The following IAH1 variants were observed in gnomAD, a reference collection of about 807,000 sequenced individuals.
IAH1 encodes isoamyl acetate hydrolyzing esterase 1 (putative).
A neutral mutation model predicts 26.7 loss-of-function variants in IAH1; 24 were observed. The observed-to-expected ratio is 0.90, with a 90% CI of 0.65 to 1.26. The LOEUF is 1.26. Among genes scored for constraint, IAH1 ranks in the 50% most tolerant of loss-of-function variants. IAH1 has a pLI of 0.00. For missense variants in IAH1, 300 were observed against 299.9 expected (o/e 1.00, Z 0.00); for synonymous variants, 140 against 118.5 (o/e 1.18, Z -1.18).
the IAH1 span, chr2:9,502,362 T>G: frequency 8.5e-7 from 1 of 1,178,522 alleles, no homozygotes; most frequent in Non-Finnish European, 1.2e-6. Context: ...TACAGTGACC[T>G]GAAGATCACC....
chr2:9,511,153 A>T, the IAH1 span, among the ~76,000 whole-genome samples: 1 of 151,906 alleles, frequency 6.6e-6, no homozygotes, highest in South Asian at 2.1e-4. Context: ...AGCAAGGGGT[A>T]AAAAAAACAG....
chr2:9,475,086 C>T (rs968767050), intron 1 of IAH1: 1 of 1,240,132 alleles, frequency 8.1e-7, no homozygotes, highest in South Asian at 1.3e-5. Context: ...GCCCCATTCC[C>T]TGCGGGCACA....
Position 9,481,453 on chromosome 2 carries a change from C to T in IAH1, c.445+6C>T. 6.2e-7 allele frequency: 1 copy of T among 1,613,940 alleles called. No homozygotes were observed. The highest frequency in any genetic ancestry group is 8.5e-7 in the Non-Finnish European group (1 of 1,179,882). ...AGAACAGTGCATCATACAAGGTAAA[C>T]AAACCACAGCCAATCTCGGCAAATC... On this transcript the variant is annotated splice_donor_region_variant and intron_variant, in intron 4 of 5. Coordinates refer to ENST00000497473, the MANE Select transcript of IAH1 (RefSeq NM_001039613.3).
rs983849489 is a variant in IAH1, at chr2:9,475,268, TCTC to T, written c.81+622_81+624del. On this transcript the variant is annotated intron_variant, in intron 1 of 5. Transcript: ENST00000497473. The stretch of plus-strand genomic sequence containing the variant: ...AATTCCATTCCTGTGTGTGTCCTCT[TCTC>T]AGACAGGACTTGCTTCACCAGGCTT... 60 of 1,169,200 alleles carry T rather than the reference TCTC, an allele frequency of 5.1e-5. 1 individual carries two copies. In the Admixed American group the frequency reaches 1.4e-3, roughly 27 times the overall value. The allele number at this position is 1,169,200 out of a possible 1,614,324, so 72.4% of individuals were successfully genotyped here. A position where few individuals can be genotyped will look rare whatever the true frequency, so the allele number is the denominator to read the frequency against.
chr2:9,484,690 G>A lies in IAH1; in HGVS notation c.564+140G>A, dbSNP rs79140015. On this transcript the variant is annotated intron_variant, in intron 5 of 5. Coordinates refer to ENST00000497473, the MANE Select transcript of IAH1 (RefSeq NM_001039613.3). ...TTAGCCAATGAAAACAAACAGGCTT[G>A]GGGGAGGGGAGGAATGGAGGTTCCA... 11 of 610,746 alleles carry A rather than the reference G, an allele frequency of 1.8e-5. No homozygotes were observed. In the East Asian group the frequency reaches 3.2e-4, roughly 18 times the overall value. The allele number at this position is 610,746 out of a possible 1,614,324, so 37.8% of individuals were successfully genotyped here.
the IAH1 span, among the ~76,000 whole-genome samples, chr2:9,504,056 T>C: frequency 3.1e-4 from 46 of 150,784 alleles, no homozygotes; most frequent in African/African-American, 1.1e-3. Context: ...GAGGCTGAGG[T>C]GGAAGGACTG....
At chr2:9,492,400 T>A (rs762298798), downstream of IAH1, among the ~76,000 whole-genome samples, 10 of 152,234 alleles carry the variant, frequency 6.6e-5, no homozygotes, top group Non-Finnish European at 1.3e-4. Context: ...GACTGCTTAC[T>A]CTTATTTTTT....
At chr2:9,481,767 C>T (rs1661187400) in intron 4 of IAH1, among the ~76,000 whole-genome samples, 1 of 146,206 alleles carries the variant, frequency 6.8e-6, no homozygotes, top group African/African-American at 2.5e-5. Flanking sequence ...TGGTGCTCGG[C>T]CTGCGGGGGC....
the IAH1 span, among the ~76,000 whole-genome samples, chr2:9,507,256 G>A: frequency 6.6e-6 from 1 of 152,152 alleles, no homozygotes; most frequent in East Asian, 1.9e-4. Flanking sequence ...TTGAGAGGTC[G>A]AGGCAGGTGG....
chr2:9,506,477 C>CT, the IAH1 span, among the ~76,000 whole-genome samples: 1 of 143,536 alleles, frequency 7.0e-6, no homozygotes, highest in Non-Finnish European at 1.5e-5. Flanking sequence ...AGTGATTCTT[C>CT]TGCCTCAGCC....
At chr2:9,494,483 C>T (rs139939783), downstream of IAH1, among the ~76,000 whole-genome samples, 255 of 152,296 alleles carry the variant, frequency 1.7e-3, 1 homozygote, top group African/African-American at 5.9e-3. Flanking sequence ...AGCACTCCGT[C>T]TTCTCCTCCT....
chr2:9,491,729 A>G (rs1662168063), downstream of IAH1, among the ~76,000 whole-genome samples: 1 of 152,234 alleles, frequency 6.6e-6, no homozygotes, highest in African/African-American at 2.4e-5. Flanking sequence ...CTGAAGCATA[A>G]TAGGTGACAG....
At chr2:9,510,530 G>C in the IAH1 span, among the ~76,000 whole-genome samples, 1 of 152,278 alleles carries the variant, frequency 6.6e-6, no homozygotes, top group Non-Finnish European at 1.5e-5. Flanking sequence ...TGGGCATGGA[G>C]GCACGCGCCT....
intron 3 of IAH1, among the ~76,000 whole-genome samples, chr2:9,479,759 G>A (rs190003881): frequency 2.1e-5 from 3 of 141,176 alleles, no homozygotes; most frequent in Non-Finnish European, 4.6e-5. Flanking sequence ...ATTCAGATAC[G>A]CAGCCAGATG....
intron 2 of IAH1, 40 bp downstream of exon 2, chr2:9,476,079 A>G (rs1480329062): frequency 6.5e-7 from 1 of 1,545,648 alleles, no homozygotes; most frequent in African/African-American, 1.4e-5. Context: ...TATGGATGGA[A>G]AATGTCTTAG....
chr2:9,502,170 A>C, the IAH1 span: 1 of 1,613,034 alleles, frequency 6.2e-7, no homozygotes, highest in African/African-American at 1.3e-5. Context: ...CAAGAACACG[A>C]ACCTGTGCAG....
chr2:9,478,269 G>A lies in IAH1; in HGVS notation c.182G>A (p.Trp61Ter). 1 of 1,612,766 alleles carries A rather than the reference G, an allele frequency of 6.2e-7. No homozygotes were observed. Among genetic ancestry groups the A allele is most frequent in the African/African-American group, 1.3e-5 (1 of 74,974 alleles). The part of the protein sequence containing the change: ...NRGFSGYNTR[W>*]AKIILPRLIR... ...GGATTTTCAGGTTACAATACCAGGT[G>A]GGCCAAAATTATCCTTCCAAGATTA... The change falls in exon 3 of 6, where the codon TGG becomes TAG. Residue 61 changes from tryptophan to a stop codon, truncating the protein, a stop_gained. Transcript: ENST00000497473. LOFTEE classifies it high-confidence loss of function.
intron 5 of IAH1, chr2:9,485,398 A>G (rs1239544007): frequency 2.0e-5 from 3 of 152,534 alleles, no homozygotes; most frequent in Non-Finnish European, 4.4e-5. Flanking sequence ...TCACACCTGT[A>G]ATCCCATCAC....
chr2:9,490,038 A>T, downstream of IAH1: 1 of 760,444 alleles, frequency 1.3e-6, no homozygotes, highest in Non-Finnish European at 2.1e-6. Context: ...AGAACTGTTT[A>T]CCTGCAGGAA....
Sources: allele counts gnomAD v4.1 joint callset (sites outside exome capture counted in the v4.1 genomes callset), GRCh38; gene constraint gnomAD v4.1.1; transcripts MANE v1.5; gene names NCBI Gene and HGNC (gene_info 2026-07-23, HGNC 2026-07-21).